Variants in ZNF746 observed in about 807,000 individuals in gnomAD.
ZNF746 encodes the protein parkin-interacting substrate.
Under a neutral mutation model 41.0 loss-of-function variants are expected in ZNF746, and 13 were observed. The observed-to-expected ratio is 0.32, with a 90% CI of 0.21 to 0.50. The LOEUF is 0.50. Ranked by LOEUF, ZNF746 falls within the 20% of genes least tolerant of loss-of-function variation. ZNF746 has a pLI of 0.98. For missense variants in ZNF746, 811 were observed against 922.9 expected, an observed-to-expected ratio of 0.88 and a Z score of 1.57; for synonymous variants, 424 against 396.2, an observed-to-expected ratio of 1.07 and a Z score of -0.83.
intron 6 of ZNF746, among the ~76,000 whole-genome samples, chr7:149,476,072 T>A (rs1343801909): frequency 2.6e-5 from 4 of 152,148 alleles, no homozygotes; most frequent in African/African-American, 9.7e-5. Context: ...CCCAGCACTT[T>A]GGGAGGCCAA....
chr7:149,493,047 A>G, intron 3 of ZNF746, 75 bp from the exon 4 acceptor site: 1 of 970,224 alleles, frequency 1.0e-6, no homozygotes, highest in Admixed American at 2.1e-5. Context: ...AAAACCAACA[A>G]TGGTCTAGAA....
Position 149,497,221 on chromosome 7 carries a change from C to T in ZNF746, c.24+292G>A. Reference sequence around the variant, plus strand: ...TGGGGGGGCACCCAGAAGGAGGGGACAGCGGCTGGGGCGGGGGCAGGAAGC... The same window carrying T: ...TGGGGGGGCACCCAGAAGGAGGGGATAGCGGCTGGGGCGGGGGCAGGAAGC... On this transcript the variant is annotated intron_variant, in intron 1 of 6. Transcript: ENST00000458143. This position sits in a 1 kb window ranked among gnomAD's most constrained non-coding sequence, Gnocchi z 4.2. 1.0e-6 allele frequency: 1 copy of T among 984,044 alleles called. No individual in the cohort carries two copies. The allele number at this position is 984,044 out of a possible 1,614,324, so 61.0% of individuals were successfully genotyped here.
intron 4 of ZNF746, among the ~76,000 whole-genome samples, chr7:149,478,282 G>A (rs1024121362): frequency 6.6e-6 from 1 of 152,204 alleles, no homozygotes; most frequent in Non-Finnish European, 1.5e-5. Flanking sequence ...TCCATGTGAG[G>A]TTGGGAGTGT....
chr7:149,476,791 A>C, intron 6 of ZNF746, 131 bp downstream of exon 6: 3 of 1,239,196 alleles, frequency 2.4e-6, no homozygotes, highest in Non-Finnish European at 3.5e-6. Flanking sequence ...AAAGGGTCAT[A>C]AGAGTGCAGA....
Position 149,474,531 on chromosome 7 carries a change from G to A in ZNF746, c.1836C>T (p.Ala612=), listed in dbSNP as rs1242926546. Reference sequence around the variant, plus strand: ...GCGGCGTCGGGAGTGGCTGGCCTCGGGCCGGGGTCTTGGCGCCCGCTGCAT... The same window carrying A: ...GCGGCGTCGGGAGTGGCTGGCCTCGAGCCGGGGTCTTGGCGCCCGCTGCAT... The part of the protein sequence containing the change: ...RNHAAGAKTP[A]RGQPLPTPPA... Residue 612 remains alanine (A), a synonymous_variant, in exon 7 of 7, where the codon GCC becomes GCT. Coordinates refer to ENST00000458143, the MANE Select transcript of ZNF746 (RefSeq NM_001394198.1). The surrounding 1 kb of genome is among the most constrained non-coding windows in gnomAD (Gnocchi z 6.3). The A allele has an allele frequency of 1.9e-6, 3 of 1,607,202 alleles. No homozygotes were observed. The highest frequency in any genetic ancestry group is 1.7e-4 in the Middle Eastern group (1 of 6,048).
rs1400460926 is a variant in ZNF746, at chr7:149,494,168, C to T, written c.324+36G>A. 5 of 1,613,662 alleles carry T rather than the reference C, an allele frequency of 3.1e-6. No individual in the cohort carries two copies. The African/African-American group carries it at 6.7e-5, about 22-fold the overall frequency. ...ACCCACACGCTCACGGGTTTGGCCG[C>T]TTGGGCTCCCACACCCCAAGGCGTC... is the stretch of plus-strand genomic sequence containing the variant. On this transcript the variant is annotated intron_variant, in intron 2 of 6. Transcript: ENST00000458143. The surrounding 1 kb of genome is among the most constrained non-coding windows in gnomAD (Gnocchi z 5.6).
intron 4 of ZNF746, chr7:149,487,490 G>T (rs1006038624): frequency 7.2e-5 from 11 of 152,212 alleles, no homozygotes; most frequent in African/African-American, 2.6e-4. Flanking sequence ...CGATGTCCTA[G>T]TCAAACTGCT....
At chr7:149,487,755 TA>T (rs1158746632) in intron 4 of ZNF746, 1 of 152,170 alleles carries the variant, frequency 6.6e-6, no homozygotes, top group East Asian at 1.9e-4. Flanking sequence ...TGTAAAATCT[TA>T]TTCAAGCACA....
Position 149,474,727 on chromosome 7 carries a change from A to T in ZNF746, c.1640T>A (p.Leu547Gln). 6.2e-7 allele frequency: 1 copy of T among 1,610,784 alleles called. No homozygotes were observed. Among genetic ancestry groups the T allele is most frequent in the Non-Finnish European group, 8.5e-7 (1 of 1,179,306 alleles). The stretch of plus-strand genomic sequence containing the variant: ...GGGGAAGGGCCGCTCGCCGGTGTGC[A>T]GCATGCGATGGCGGATGAGGTGCGC... ...RPAHLIRHRMLHTGERPFPCT... is the reference protein window; with the variant it reads ...RPAHLIRHRMQHTGERPFPCT... Residue 547 changes from leucine to glutamine, a missense_variant, in exon 7 of 7, where the codon CTG (leucine) becomes CAG (glutamine). By Grantham distance (113) the Leu-to-Gln change is moderately radical (BLOSUM62 -2). Coordinates refer to ENST00000458143, the MANE Select transcript of ZNF746 (RefSeq NM_001394198.1). This position sits in a 1 kb window ranked among gnomAD's most constrained non-coding sequence, Gnocchi z 6.3.
intron 4 of ZNF746, among the ~76,000 whole-genome samples, chr7:149,480,699 G>A (rs773316303): frequency 2.6e-5 from 4 of 152,174 alleles, no homozygotes; most frequent in Non-Finnish European, 5.9e-5. Context: ...GCCTCCCCAA[G>A]TGCTAGGATT....
chr7:149,474,970 C>CCCCCGGGGGGCG lies in ZNF746; in HGVS notation c.1385_1396dup (p.Ala462_Gly465dup). 1 of 1,547,720 alleles carries CCCCCGGGGGGCG rather than the reference C, an allele frequency of 6.5e-7. No individual in the cohort carries two copies. Among genetic ancestry groups the CCCCCGGGGGGCG allele is most frequent in the Middle Eastern group, 1.8e-4 (1 of 5,602 alleles). On this transcript the variant is annotated inframe_insertion, in exon 7 of 7. Coordinates refer to ENST00000458143, the MANE Select transcript of ZNF746 (RefSeq NM_001394198.1). The surrounding 1 kb of genome is among the most constrained non-coding windows in gnomAD (Gnocchi z 6.3). ...ACACGTGGCGCAGGTGAAGGGCCGG[C>CCCCCGGGGGGCG]CCCCGGGGGGCGCCGCGGGGTGCTT... is the stretch of plus-strand genomic sequence containing the variant.
intron 4 of ZNF746, chr7:149,489,531 G>T (rs1254532862): frequency 1.3e-5 from 2 of 152,408 alleles, no homozygotes; most frequent in Non-Finnish European, 2.9e-5. Flanking sequence ...GGCCTGCAGT[G>T]CCGATGACAC....
Position 149,474,866 on chromosome 7 carries a change from T to A in ZNF746, c.1501A>T (p.Thr501Ser). 6.8e-7 allele frequency: 1 copy of A among 1,469,264 alleles called. No homozygotes were observed. The highest frequency in any genetic ancestry group is 9.0e-7 in the Non-Finnish European group (1 of 1,117,250). 91.0% of individuals were successfully genotyped at this position (1,469,264 alleles called of 1,614,324 possible). ...CCACTGCCGCTGCCGCCACCGCCTGTGCCCGGGCCCGACCCGTCGGGCGCC... is the reference window on the plus strand; with the variant it reads ...CCACTGCCGCTGCCGCCACCGCCTGAGCCCGGGCCCGACCCGTCGGGCGCC... ...CGAPDGSGPG[T>S]GGGGSGSGGG... The change falls in exon 7 of 7, where the codon ACA (threonine) becomes TCA (serine). Residue 501 changes from threonine (T) to serine (S), a missense_variant. Physicochemically the swap from Thr to Ser is moderately conservative, Grantham distance 58. Coordinates refer to ENST00000458143, the MANE Select transcript of ZNF746 (RefSeq NM_001394198.1). This position sits in a 1 kb window ranked among gnomAD's most constrained non-coding sequence, Gnocchi z 6.3.
intron 4 of ZNF746, among the ~76,000 whole-genome samples, chr7:149,479,248 A>T (rs947252321): frequency 7.2e-5 from 11 of 152,256 alleles, no homozygotes; most frequent in Non-Finnish European, 1.6e-4. Flanking sequence ...GAACCACAGC[A>T]AAGACAAAGA....
intron 4 of ZNF746, chr7:149,488,810 C>T (rs1381293666): frequency 3.3e-5 from 5 of 152,190 alleles, no homozygotes; most frequent in Admixed American, 3.3e-4. Context: ...GGTGAGGCCA[C>T]CGCTGGGTCT....
intron 6 of ZNF746, among the ~76,000 whole-genome samples, chr7:149,476,366 G>C (rs1800303073): frequency 1.4e-5 from 2 of 143,838 alleles, no homozygotes; most frequent in Non-Finnish European, 3.0e-5. Context: ...TTTTATATAA[G>C]CGTACTTCAA....
chr7:149,482,735 G>C (rs907866030), intron 4 of ZNF746, among the ~76,000 whole-genome samples: 1 of 152,148 alleles, frequency 6.6e-6, no homozygotes, highest in Non-Finnish European at 1.5e-5. Context: ...AAAGTGTTAG[G>C]ATTACAGGCG....
chr7:149,488,356 A>AG lies in ZNF746; in HGVS notation c.565+4502dup, dbSNP rs1316981423. ...GAGGTAAGCAAGGATATCTCACTAC[A>AG]GAAAAAGCACAGATCATAAAGGAAA... is the stretch of plus-strand genomic sequence containing the variant. On this transcript the variant is annotated intron_variant, in intron 4 of 6. Coordinates refer to ENST00000458143, the MANE Select transcript of ZNF746 (RefSeq NM_001394198.1). The AG allele has an allele frequency of 3.9e-5, 6 of 152,354 alleles. No homozygotes were observed. The East Asian group carries it at 5.8e-4, about 15-fold the overall frequency. 9.4% of individuals were successfully genotyped at this position (152,354 alleles called of 1,614,324 possible). A position where few individuals can be genotyped will look rare whatever the true frequency, so the allele number is the denominator to read the frequency against.
Position 149,492,872 on chromosome 7 carries a change from C to A in ZNF746, c.552G>T (p.Val184=), listed in dbSNP as rs1800855869. The change falls in exon 4 of 7, where the codon GTG becomes GTT. Residue 184 remains valine (V), a synonymous_variant. Transcript: ENST00000458143. ...CCCAGCCCTTACCTGGACTGGGGTC[C>A]ACAGGAACATCTGGAATCTTGGGGC... ...RPGPKIPDVP[V]DPSPGSGPPV... 1 of 1,613,670 alleles carries A rather than the reference C, an allele frequency of 6.2e-7. No homozygotes were observed.
Sources: allele counts gnomAD v4.1 joint callset (sites outside exome capture counted in the v4.1 genomes callset), GRCh38; gene constraint gnomAD v4.1.1; non-coding constraint Gnocchi (gnomAD v3.1); transcripts MANE v1.5; gene names NCBI Gene and HGNC (gene_info 2026-07-23, HGNC 2026-07-21).